The following ABI3BP variants were observed in gnomAD, a reference collection of about 807,000 sequenced individuals.
The protein encoded by ABI3BP is ABI family member 3 binding protein.
Under a neutral mutation model 268.6 loss-of-function variants are expected in ABI3BP, and 216 were observed. The observed-to-expected ratio is 0.80, with a 90% CI of 0.72 to 0.90. The LOEUF (loss-of-function observed/expected upper bound fraction) is 0.90. ABI3BP is among the 40% of genes least tolerant of loss of function. The probability of loss-of-function intolerance (pLI) is 0.00; values close to 1 mark genes in which losing one functional copy is unlikely to be tolerated. For synonymous variants in ABI3BP, 730 were observed against 730.0 expected (o/e 1.00, Z 0.00); for missense variants, 2,090 against 2,182.4 (o/e 0.96, Z 0.84).
intron 50 of ABI3BP, among the ~76,000 whole-genome samples, chr3:100,807,590 G>A (rs541120742): frequency 2.3e-4 from 35 of 152,012 alleles, no homozygotes; most frequent in African/African-American, 8.2e-4. Context: ...AAACAAGAAT[G>A]ACAGTACCTA....
chr3:100,991,361 A>G (rs1179653028), intron 1 of ABI3BP, among the ~76,000 whole-genome samples: 1 of 152,220 alleles, frequency 6.6e-6, no homozygotes, highest in African/African-American at 2.4e-5. Context: ...AACCCCTGTT[A>G]AGATATTATA....
intron 32 of ABI3BP, among the ~76,000 whole-genome samples, chr3:100,830,146 T>TATATATATATATATATATATATATA (rs2098465260): frequency 1.7e-5 from 1 of 59,218 alleles, no homozygotes; most frequent in African/African-American, 4.9e-5. Flanking sequence ...TATATATATA[T>TATATATATATATATATATATATATA]ATATATATAT....
chr3:100,961,775 A>G (rs539640233), intron 1 of ABI3BP, among the ~76,000 whole-genome samples: 2 of 152,290 alleles, frequency 1.3e-5, no homozygotes, highest in South Asian at 4.1e-4. Context: ...TTGTTAAACT[A>G]CTTTCACCAC....
intron 50 of ABI3BP, among the ~76,000 whole-genome samples, chr3:100,806,054 CA>C (rs1485551783): frequency 1.3e-5 from 2 of 151,978 alleles, no homozygotes; most frequent in Non-Finnish European, 2.9e-5. Context: ...TCTAAGAAGT[CA>C]AACTTTATTG....
At position 100,792,686 on chromosome 3, in the gene ABI3BP, A is replaced by G. The variant is rs779084334; in HGVS notation, c.4024+5T>C. On this transcript the variant is annotated splice_donor_5th_base_variant and intron_variant, in intron 55 of 67. Coordinates refer to ENST00000471714, the MANE Select transcript of ABI3BP (RefSeq NM_001375547.2). ...TTATTCTCCAGAGGTAGGGGAGAGG[A>G]TTACCCTGAGTTGTCTTTGCTAGTT... 3.7e-6 allele frequency: 6 copies of G among 1,610,546 alleles called. No homozygotes were observed. In the South Asian group the frequency reaches 6.6e-5, roughly 18 times the overall value.
chr3:100,823,083 T>C (rs1200632990), intron 37 of ABI3BP, among the ~76,000 whole-genome samples: 1 of 152,088 alleles, frequency 6.6e-6, no homozygotes, highest in Non-Finnish European at 1.5e-5. Context: ...ACAATAAATA[T>C]CTATGCAAAT....
At chr3:100,844,536 C>T (rs1209208172) in intron 20 of ABI3BP, 3 of 835,642 alleles carry the variant, frequency 3.6e-6, no homozygotes, top group Non-Finnish European at 4.3e-6. Flanking sequence ...CTGGGAAAGG[C>T]CTCAAAAAGC....
intron 44 of ABI3BP, among the ~76,000 whole-genome samples, chr3:100,815,050 A>T (rs1203439863): frequency 6.6e-6 from 1 of 152,116 alleles, no homozygotes; most frequent in Non-Finnish European, 1.5e-5. Flanking sequence ...CCTAAGCCAT[A>T]GATTTTCGTT....
chr3:100,892,616 G>A (rs1451113175), intron 4 of ABI3BP, among the ~76,000 whole-genome samples: 5 of 152,142 alleles, frequency 3.3e-5, no homozygotes, highest in African/African-American at 1.2e-4. Context: ...TTACATACTT[G>A]CCACTTCTGT....
At chr3:100,986,706 A>ATCT (rs2091857267) in intron 1 of ABI3BP, among the ~76,000 whole-genome samples, 1 of 152,106 alleles carries the variant, frequency 6.6e-6, no homozygotes, top group African/African-American at 2.4e-5. Context: ...ACCTCAAGTA[A>ATCT]TCTGCTCACC....
At chr3:100,760,808 T>G (rs1040367705) in intron 63 of ABI3BP, among the ~76,000 whole-genome samples, 18 of 152,320 alleles carry the variant, frequency 1.2e-4, no homozygotes, top group African/African-American at 4.3e-4. Flanking sequence ...TTCTTTTAGT[T>G]TAACAAGAGG....
At chr3:100,797,475 A>G (rs12496951) in intron 51 of ABI3BP, among the ~76,000 whole-genome samples, 72,032 of 151,576 alleles carry the variant, frequency 0.48, 18,248 homozygotes, top group African/African-American at 0.67. Context: ...TTGTCAGGCA[A>G]TGTAATTTCC....
intron 2 of ABI3BP, among the ~76,000 whole-genome samples, chr3:100,918,905 T>C (rs974487201): frequency 2.0e-5 from 3 of 152,160 alleles, no homozygotes; most frequent in Non-Finnish European, 4.4e-5. Flanking sequence ...ATACAGTAGG[T>C]GAGCAGTGTT....
At chr3:100,958,882 G>A (rs551326295) in intron 1 of ABI3BP, among the ~76,000 whole-genome samples, 8 of 152,146 alleles carry the variant, frequency 5.3e-5, no homozygotes, top group East Asian at 1.9e-4. Flanking sequence ...GGCTCTTCAC[G>A]AACCTCATGG....
At chr3:100,830,440 A>T in intron 32 of ABI3BP, 138 bp downstream of exon 32, 1 of 673,968 alleles carries the variant, frequency 1.5e-6, no homozygotes, top group Non-Finnish European at 2.3e-6. Flanking sequence ...TAATACTCTT[A>T]TACATATTAA....
chr3:100,934,794 G>A (rs1453078019), intron 1 of ABI3BP, among the ~76,000 whole-genome samples: 3 of 152,100 alleles, frequency 2.0e-5, no homozygotes, highest in Non-Finnish European at 4.4e-5. Context: ...TTTGAGAAGT[G>A]TCTGTTCATA....
At chr3:100,800,457 G>A (rs1464164240) in intron 51 of ABI3BP, among the ~76,000 whole-genome samples, 1 of 152,150 alleles carries the variant, frequency 6.6e-6, no homozygotes, top group African/African-American at 2.4e-5. Context: ...CAGGAATGTA[G>A]TCATTCTGAG....
intron 2 of ABI3BP, among the ~76,000 whole-genome samples, chr3:100,918,070 T>C (rs542296236): frequency 1.2e-4 from 18 of 152,226 alleles, no homozygotes; most frequent in Non-Finnish European, 2.5e-4. Flanking sequence ...CTGGGATTCC[T>C]GTTTTTTTAA....
chr3:100,879,828 T>C (rs902284712), intron 6 of ABI3BP, among the ~76,000 whole-genome samples: 3 of 152,184 alleles, frequency 2.0e-5, no homozygotes, highest in Admixed American at 2.0e-4. Flanking sequence ...AGCAAATAGC[T>C]GCGTCTCTAC....
Sources: gnomAD v4.1 joint callset for allele counts (sites outside exome capture counted in the v4.1 genomes callset) on GRCh38, gnomAD v4.1.1 for gene constraint, MANE v1.5 for transcripts, NCBI Gene and HGNC (gene_info 2026-07-23, HGNC 2026-07-21) for gene names.